The following ADAMTS17 variants were observed in gnomAD, a reference collection of about 807,000 sequenced individuals.
The protein encoded by ADAMTS17 is A disintegrin and metalloproteinase with thrombospondin motifs 17.
ADAMTS17 carries 113 observed loss-of-function variants against 141.5 expected under a neutral mutation model. The ratio of observed to expected loss-of-function variants is 0.80; its 90% CI spans 0.69 to 0.93. The LOEUF (loss-of-function observed/expected upper bound fraction) is 0.93. Ranked by LOEUF, ADAMTS17 falls within the 40% of genes least tolerant of loss-of-function variation. The probability of loss-of-function intolerance (pLI) is 0.00; values close to 1 mark genes in which losing one functional copy is unlikely to be tolerated. For missense variants in ADAMTS17, 1,659 were observed against 1,517.9 expected, an observed-to-expected ratio of 1.09 and a Z score of -1.54; for synonymous variants, 768 against 630.6, an observed-to-expected ratio of 1.22 and a Z score of -3.27.
intron 4 of ADAMTS17, among the ~76,000 whole-genome samples, chr15:100,277,213 C>A (rs545892286): frequency 6.6e-6 from 1 of 152,192 alleles, no homozygotes; most frequent in South Asian, 2.1e-4. Flanking sequence ...ACGTGTTAGC[C>A]CCGGGTCTGC....
chr15:100,108,518 C>G (rs1183692033), intron 14 of ADAMTS17, among the ~76,000 whole-genome samples: 1 of 152,156 alleles, frequency 6.6e-6, no homozygotes, highest in Non-Finnish European at 1.5e-5. Context: ...TCTAACCAGT[C>G]ATGGCCATCC....
At chr15:100,218,976 T>C (rs1386267219) in intron 7 of ADAMTS17, among the ~76,000 whole-genome samples, 3 of 152,200 alleles carry the variant, frequency 2.0e-5, no homozygotes, top group Admixed American at 6.5e-5. Flanking sequence ...CAATGGAATA[T>C]GATTTAACAA....
At chr15:100,088,499 A>C (rs1283965501) in intron 15 of ADAMTS17, among the ~76,000 whole-genome samples, 7 of 152,194 alleles carry the variant, frequency 4.6e-5, no homozygotes, top group South Asian at 2.1e-4. Flanking sequence ...TTTAAAGTTC[A>C]TATGGAACCA....
intron 8 of ADAMTS17, among the ~76,000 whole-genome samples, chr15:100,181,969 C>A (rs1055793151): frequency 6.6e-6 from 1 of 152,218 alleles, no homozygotes; most frequent in Admixed American, 6.5e-5. Flanking sequence ...CCCACGAAGG[C>A]GAGGCCTGCC....
intron 7 of ADAMTS17, among the ~76,000 whole-genome samples, chr15:100,221,261 T>A (rs2042124716): frequency 6.7e-6 from 1 of 148,542 alleles, no homozygotes; most frequent in African/African-American, 2.5e-5. Flanking sequence ...CCACTAAAGC[T>A]ACGCCAATAA....
At chr15:100,152,797 G>A (rs201808227) in intron 9 of ADAMTS17, 35 bp from the exon 10 acceptor site, 218 of 1,612,648 alleles carry the variant, frequency 1.4e-4, no homozygotes, top group Non-Finnish European at 2.9e-5. Context: ...ACTTGCAAAT[G>A]TACTGCCTAG....
chr15:100,330,731 T>G (rs776493806), intron 3 of ADAMTS17, among the ~76,000 whole-genome samples, 158 bp downstream of exon 3: 1 of 151,960 alleles, frequency 6.6e-6, no homozygotes, highest in African/African-American at 2.4e-5. Flanking sequence ...CTAAGACACA[T>G]AGAAAGGAAA....
At chr15:100,285,614 G>A (rs1034346308) in intron 3 of ADAMTS17, among the ~76,000 whole-genome samples, 1 of 152,190 alleles carries the variant, frequency 6.6e-6, no homozygotes, top group Non-Finnish European at 1.5e-5. Flanking sequence ...GGAAGACCTG[G>A]GGAAGAGTTG....
chr15:100,087,807 C>A (rs894571647), intron 15 of ADAMTS17, among the ~76,000 whole-genome samples: 1 of 152,198 alleles, frequency 6.6e-6, no homozygotes, highest in East Asian at 1.9e-4. Flanking sequence ...GCTAAAAACT[C>A]TCAATAAATT....
At chr15:100,312,815 A>G (rs1416869808) in intron 3 of ADAMTS17, among the ~76,000 whole-genome samples, 10 of 151,950 alleles carry the variant, frequency 6.6e-5, no homozygotes, top group Non-Finnish European at 1.0e-4. Flanking sequence ...GCCTAAGTAT[A>G]ACTTTAATGT....
intron 18 of ADAMTS17, among the ~76,000 whole-genome samples, chr15:100,007,425 T>G (rs1325713520): frequency 6.6e-6 from 1 of 152,068 alleles, no homozygotes; most frequent in African/African-American, 2.4e-5. Flanking sequence ...GACTTTTTTT[T>G]TTTTTTGAGA....
At chr15:100,147,677 G>T (rs1324808864) in intron 10 of ADAMTS17, among the ~76,000 whole-genome samples, 1 of 152,158 alleles carries the variant, frequency 6.6e-6, no homozygotes, top group Non-Finnish European at 1.5e-5. Flanking sequence ...TCATGATGAG[G>T]CGTATGACTG....
chr15:99,977,924 G>A (rs1163812953), intron 20 of ADAMTS17, among the ~76,000 whole-genome samples: 1 of 152,138 alleles, frequency 6.6e-6, no homozygotes, highest in Non-Finnish European at 1.5e-5. Flanking sequence ...CACAACCCCT[G>A]ATTTACAGGG....
chr15:100,051,781 G>A (rs773193313), intron 16 of ADAMTS17, 50 bp from the exon 17 acceptor site: 34 of 1,611,636 alleles, frequency 2.1e-5, no homozygotes, highest in East Asian at 6.7e-5. Flanking sequence ...AGGAAGGCCC[G>A]TGGGAATGCC....
At chr15:100,238,306 C>A (rs1047424588) in intron 7 of ADAMTS17, among the ~76,000 whole-genome samples, 2 of 152,190 alleles carry the variant, frequency 1.3e-5, no homozygotes, top group African/African-American at 2.4e-5. Context: ...CCTTTATCGC[C>A]AGCCTCCATC....
At chr15:100,287,907 G>T (rs530408227) in intron 3 of ADAMTS17, among the ~76,000 whole-genome samples, 1 of 152,184 alleles carries the variant, frequency 6.6e-6, no homozygotes, top group Non-Finnish European at 1.5e-5. Context: ...CCACAAAAAC[G>T]CACTTAAGTA....
chr15:100,116,139 A>C (rs535285285), intron 13 of ADAMTS17, among the ~76,000 whole-genome samples: 1 of 148,902 alleles, frequency 6.7e-6, no homozygotes, highest in South Asian at 2.1e-4. Flanking sequence ...AGGTAAAAAA[A>C]AAAAAAAAAA....
intron 20 of ADAMTS17, among the ~76,000 whole-genome samples, chr15:99,982,914 G>A (rs550995495): frequency 2.0e-5 from 3 of 152,312 alleles, no homozygotes; most frequent in South Asian, 4.1e-4. Context: ...AGGCAGGGAG[G>A]GGGTGTCACT....
rs371110768 is a variant in ADAMTS17, at chr15:100,009,733, A to G, written c.2592-12144T>C. 5.9e-5 allele frequency among the ~76,000 whole-genome samples: 9 copies of G among 152,356 alleles called. No individual in the cohort carries two copies. The East Asian group carries it at 1.7e-3, about 29-fold the overall frequency. On this transcript the variant is annotated intron_variant, in intron 18 of 21. Transcript: ENST00000268070. ...TCCCCCAAAGCCCTCTGGAATGGAC[A>G]GTCTATGTGGACGGTCCGAACCAAA...
Sources: allele counts gnomAD v4.1 joint callset (sites outside exome capture counted in the v4.1 genomes callset), GRCh38; gene constraint gnomAD v4.1.1; transcripts MANE v1.5; gene names NCBI Gene and HGNC (gene_info 2026-07-23, HGNC 2026-07-21).